Variants in PSD3 observed in about 807,000 individuals in gnomAD.
The protein encoded by PSD3 is pleckstrin and Sec7 domain containing 3.
PSD3 carries 49 observed loss-of-function variants against 105.5 expected under a neutral mutation model. That is an observed-to-expected ratio of 0.46 (90% confidence interval 0.37 to 0.59). The LOEUF (loss-of-function observed/expected upper bound fraction) is 0.59. PSD3 is among the 20% of genes least tolerant of loss of function. The pLI, the probability that PSD3 is intolerant of heterozygous loss-of-function variation, is 0.00. For missense variants in PSD3, 1,561 were observed against 1,263.8 expected (o/e 1.24, Z -3.57); for synonymous variants, 557 against 457.8 (o/e 1.22, Z -2.77).
At position 18,715,130 on chromosome 8, in the gene PSD3, G is replaced by C. The variant is rs1015287517; in HGVS notation, c.2172+50319C>G. Reference sequence around the variant, plus strand: ...AAACAACACACACTGGGCCTTGTAGGGGGTGGGAAGACGGAGAACATCAGG... The same window carrying C: ...AAACAACACACACTGGGCCTTGTAGCGGGTGGGAAGACGGAGAACATCAGG... On this transcript the variant is annotated intron_variant, in intron 9 of 15. Transcript: ENST00000327040. Among the ~76,000 whole-genome samples the C allele has an allele frequency of 4.6e-5, 7 of 152,148 alleles. No homozygotes were observed. In the East Asian group the frequency reaches 5.8e-4, roughly 13 times the overall value.
chr8:18,963,451 G>C (rs1824047524), intron 1 of PSD3, among the ~76,000 whole-genome samples: 1 of 152,142 alleles, frequency 6.6e-6, no homozygotes, highest in South Asian at 2.1e-4. Context: ...AAGAATCTTA[G>C]CATTTTCTCT....
intron 10 of PSD3, among the ~76,000 whole-genome samples, chr8:18,638,574 T>G (rs1807435251): frequency 6.6e-6 from 1 of 151,910 alleles, no homozygotes; most frequent in South Asian, 2.1e-4. Flanking sequence ...AGGAATAAAT[T>G]TAAGCAAGGA....
chr8:18,563,017 T>G (rs1172026496), intron 14 of PSD3, among the ~76,000 whole-genome samples: 1 of 152,248 alleles, frequency 6.6e-6, no homozygotes, highest in African/African-American at 2.4e-5. Flanking sequence ...AGCACTTAAA[T>G]GTCTACGTCA....
intron 9 of PSD3, among the ~76,000 whole-genome samples, chr8:18,724,792 G>T (rs145680241): frequency 6.6e-6 from 1 of 151,704 alleles, no homozygotes; most frequent in Non-Finnish European, 1.5e-5. Flanking sequence ...AATAAATGAA[G>T]GCATGAATAA....
chr8:18,868,521 C>G (rs1817111687), intron 3 of PSD3, among the ~76,000 whole-genome samples: 1 of 151,938 alleles, frequency 6.6e-6, no homozygotes, highest in African/African-American at 2.4e-5. Context: ...TAAATAAGGC[C>G]AAATGCTCTC....
intron 11 of PSD3, 36 bp from the exon 12 acceptor site, chr8:18,600,470 C>T (rs1404535071): frequency 1.7e-5 from 25 of 1,468,950 alleles, no homozygotes; most frequent in East Asian, 2.3e-5. Context: ...TTTTATTTGA[C>T]ATCAGCATTT....
At chr8:18,673,410 C>T (rs1199129220) in intron 9 of PSD3, among the ~76,000 whole-genome samples, 1 of 152,126 alleles carries the variant, frequency 6.6e-6, no homozygotes, top group East Asian at 1.9e-4. Flanking sequence ...TAATCATCAT[C>T]TTATTTTGTT....
chr8:18,747,672 C>T (rs983215039), intron 9 of PSD3, among the ~76,000 whole-genome samples: 3 of 152,102 alleles, frequency 2.0e-5, no homozygotes, highest in Admixed American at 6.5e-5. Context: ...AATGAGACTG[C>T]CACATGGTAA....
chr8:18,575,740 C>G (rs1384355614), intron 12 of PSD3, among the ~76,000 whole-genome samples: 2 of 152,116 alleles, frequency 1.3e-5, no homozygotes, highest in Non-Finnish European at 2.9e-5. Flanking sequence ...GTTCTTTGCT[C>G]TGAAGATATT....
At chr8:18,555,853 T>C (rs893548088) in intron 15 of PSD3, among the ~76,000 whole-genome samples, 10 of 152,182 alleles carry the variant, frequency 6.6e-5, no homozygotes, top group Non-Finnish European at 1.3e-4. Flanking sequence ...CCCTTGTGCT[T>C]TTTTTGACTC....
intron 9 of PSD3, among the ~76,000 whole-genome samples, chr8:18,749,844 C>A (rs1023153201): frequency 1.3e-5 from 2 of 152,144 alleles, no homozygotes; most frequent in African/African-American, 2.4e-5. Flanking sequence ...TGGGCAACAA[C>A]CAACAAGAAA....
At chr8:18,615,742 G>A (rs936554610) in intron 11 of PSD3, among the ~76,000 whole-genome samples, 2 of 152,166 alleles carry the variant, frequency 1.3e-5, no homozygotes, top group South Asian at 2.1e-4. Flanking sequence ...GAGAAGGGCA[G>A]GTAACTGCTG....
intron 2 of PSD3, among the ~76,000 whole-genome samples, chr8:18,914,387 G>C (rs1820448148): frequency 6.6e-6 from 1 of 151,998 alleles, no homozygotes; most frequent in African/African-American, 2.4e-5. Context: ...GCAAGAAAAA[G>C]AAATAAAAGG....
intron 1 of PSD3, chr8:18,940,492 A>C (rs1822463895): frequency 6.6e-6 from 1 of 152,220 alleles, no homozygotes; most frequent in African/African-American, 2.4e-5. Context: ...CTCGACCTAG[A>C]AGTAAAATTC....
chr8:18,670,909 T>G (rs544557391), intron 9 of PSD3, among the ~76,000 whole-genome samples: 1 of 152,236 alleles, frequency 6.6e-6, no homozygotes, highest in African/African-American at 2.4e-5. Context: ...TCTGGACAAT[T>G]TGAATGTTGA....
intron 14 of PSD3, among the ~76,000 whole-genome samples, chr8:18,568,205 A>G (rs187123291): frequency 5.3e-5 from 8 of 152,302 alleles, no homozygotes; most frequent in African/African-American, 1.9e-4. Flanking sequence ...CTTTATAGAA[A>G]CACAAAATGG....
In PSD3 at chr8:18,534,891, A is replaced by C. The variant is rs1222479555; in HGVS notation, c.*852T>G. 6.6e-6 allele frequency: 1 copy of C among 152,570 alleles called. No individual in the cohort carries two copies. The highest frequency in any genetic ancestry group is 1.5e-5 in the Non-Finnish European group (1 of 68,044). 9.5% of individuals were successfully genotyped at this position (152,570 alleles called of 1,614,324 possible). A position where few individuals can be genotyped will look rare whatever the true frequency, so the allele number is the denominator to read the frequency against. The stretch of plus-strand genomic sequence containing the variant: ...AGGATATCAACGATAGAGATGATGG[A>C]TTTCTAGTCTAGACCCTGTGGGAGT... On this transcript the variant is annotated 3_prime_UTR_variant, in exon 16 of 16. Transcript: ENST00000327040.
chr8:18,715,015 C>T (rs765101385), intron 9 of PSD3, among the ~76,000 whole-genome samples: 1 of 152,156 alleles, frequency 6.6e-6, no homozygotes. Context: ...TCATCCTCAG[C>T]AAACTAATGC....
chr8:18,881,991 T>C (rs1251212375), intron 2 of PSD3, among the ~76,000 whole-genome samples: 1 of 152,114 alleles, frequency 6.6e-6, no homozygotes, highest in East Asian at 1.9e-4. Flanking sequence ...GAGGTTCACT[T>C]GAGCTCAGGA....
Sources: allele counts gnomAD v4.1 joint callset (sites outside exome capture counted in the v4.1 genomes callset), GRCh38; gene constraint gnomAD v4.1.1; transcripts MANE v1.5; gene names NCBI Gene and HGNC (gene_info 2026-07-23, HGNC 2026-07-21).